AKTIP: variants seen among roughly 807,000 people sequenced by gnomAD.
AKTIP encodes AKT-interacting protein.
A neutral mutation model predicts 39.1 loss-of-function variants in AKTIP; 16 were observed. The ratio of observed to expected loss-of-function variants is 0.41; its 90% confidence interval spans 0.28 to 0.62. The LOEUF (loss-of-function observed/expected upper bound fraction) is 0.62. Ranked by LOEUF, AKTIP falls within the 20% of genes least tolerant of loss-of-function variation. AKTIP has a pLI of 0.32. For missense variants in AKTIP, 262 were observed against 356.6 expected, an observed-to-expected ratio of 0.73 and a Z score of 2.14; for synonymous variants, 93 against 124.3, an observed-to-expected ratio of 0.75 and a Z score of 1.67.
rs368767123 is a variant in AKTIP at position 53,498,940 on chromosome 16, A to G, written c.43-344T>C. 4.4e-3 allele frequency among the ~76,000 whole-genome samples: 678 copies of G among 152,368 alleles called. 6 individuals carry two copies. The highest frequency in any genetic ancestry group is 8.0e-3 in the Non-Finnish European group (544 of 68,034). On this transcript the variant is annotated intron_variant, in intron 2 of 9. Transcript: ENST00000394657. Reference sequence around the variant, plus strand: ...GGTTACTAAGCAATTAGACAACTGTACAAGGCTAGAAAAGTCCCCCAGCAC... The same window carrying G: ...GGTTACTAAGCAATTAGACAACTGTGCAAGGCTAGAAAAGTCCCCCAGCAC...
Position 53,492,078 on chromosome 16 carries a change from A to T in AKTIP, c.*334T>A, listed in dbSNP as rs1258232483. Reference sequence around the variant, plus strand: ...GAAACCACTGATTTATAAACTATTAAGTAGTGCTGAATTCTGTCTGCTCTA... The same window carrying T: ...GAAACCACTGATTTATAAACTATTATGTAGTGCTGAATTCTGTCTGCTCTA... On this transcript the variant is annotated 3_prime_UTR_variant, in exon 10 of 10. Coordinates refer to ENST00000394657, the MANE Select transcript of AKTIP (RefSeq NM_022476.4). The T allele has an allele frequency of 4.5e-6, 1 of 223,850 alleles. No homozygotes were observed. The highest frequency in any genetic ancestry group is 2.3e-5 in the African/African-American group (1 of 43,584). The allele number at this position is 223,850 out of a possible 1,614,324, so 13.9% of individuals were successfully genotyped here. A position where few individuals can be genotyped will look rare whatever the true frequency, so the allele number is the denominator to read the frequency against.
In AKTIP at chr16:53,498,466, G is replaced by A; in HGVS notation, c.173C>T (p.Pro58Leu). The A allele has an allele frequency of 6.2e-7, 1 of 1,613,942 alleles. No homozygotes were observed. The highest frequency in any genetic ancestry group is 1.1e-5 in the South Asian group (1 of 91,076). Residue 58 changes from proline (P) to leucine (L), a missense_variant, in exon 3 of 10, where the codon CCA (proline) becomes CTA (leucine). By Grantham distance (98) the Pro-to-Leu change is moderately conservative. Around this residue, in one of 4 missense-constraint regions of AKTIP, gnomAD observed 88 missense variants for 132.1 expected, o/e 0.67. Transcript: ENST00000394657. ...CGTGCCATTTGTTGACTGTGCTGCT[G>A]GGGCAGGAGATGTAGGCTTAGTTAT... ...LPITKPTSPA[P>L]AAQSTNGTHA...
At chr16:53,500,381 CTT>C (rs377620568) in intron 1 of AKTIP, 52 bp from the exon 2 acceptor site, 6,298 of 929,540 alleles carry the variant, frequency 6.8e-3, no homozygotes, top group South Asian at 8.2e-3. Flanking sequence ...ACCATTAAGA[CTT>C]TTTTTTTTTT....
chr16:53,503,975 C>T (rs866200078), upstream of AKTIP, among the ~76,000 whole-genome samples: 1,919 of 144,846 alleles, frequency 0.013, 54 homozygotes, highest in African/African-American at 0.045. Flanking sequence ...GGGCCGGGGG[C>T]TGGGGGGAGG....
intron 1 of AKTIP, chr16:53,501,177 A>G (rs1481845580): frequency 6.6e-6 from 1 of 152,236 alleles, no homozygotes; most frequent in Non-Finnish European, 1.5e-5. Context: ...GCACAGCACA[A>G]GTATGTCACT....
intron 1 of AKTIP, chr16:53,502,871 G>A (rs1962258294): frequency 6.6e-6 from 1 of 152,066 alleles, no homozygotes; most frequent in Non-Finnish European, 1.5e-5. Flanking sequence ...GGGCCGGGGC[G>A]AGCCAGCTGG....
At chr16:53,499,541 G>A (rs907307335) in intron 2 of AKTIP, among the ~76,000 whole-genome samples, 6 of 150,398 alleles carry the variant, frequency 4.0e-5, no homozygotes, top group African/African-American at 1.5e-4. Flanking sequence ...CTGCAAGCAA[G>A]CTTTGCCTCC....
rs937332125 is a variant in AKTIP at position 53,491,688 on chromosome 16, C to T, written c.*724G>A. ...ATATTGAGAAAAGGGTAGTTTCCTG[C>T]ATAAATGGCAAAGAACAATCATTTA... On this transcript the variant is annotated 3_prime_UTR_variant, in exon 10 of 10. Coordinates refer to ENST00000394657, the MANE Select transcript of AKTIP (RefSeq NM_022476.4). 1 of 152,596 alleles carries T rather than the reference C, an allele frequency of 6.6e-6. No individual in the cohort carries two copies. Among genetic ancestry groups the T allele is most frequent in the African/African-American group, 2.4e-5 (1 of 41,438 alleles). 9.5% of individuals were successfully genotyped at this position (152,596 alleles called of 1,614,324 possible).
chr16:53,498,298 T>A (rs1598157355), intron 3 of AKTIP, 93 bp downstream of exon 3: 1 of 1,300,086 alleles, frequency 7.7e-7, no homozygotes, highest in East Asian at 2.3e-5. Flanking sequence ...TGAGATTAAA[T>A]GTCTGCCCTT....
chr16:53,498,410 A>G lies in AKTIP; in HGVS notation c.229T>C (p.Tyr77His). 6.2e-7 allele frequency: 1 copy of G among 1,613,980 alleles called. No homozygotes were observed. The highest frequency in any genetic ancestry group is 8.5e-7 in the Non-Finnish European group (1 of 1,179,832). The change falls in exon 3 of 10, where the codon TAC (tyrosine) becomes CAC (histidine). Residue 77 changes from tyrosine (Y) to histidine (H), a missense_variant. Physicochemically the swap from Tyr to His is moderately conservative, Grantham distance 83 (BLOSUM62 2). Coordinates refer to ENST00000394657, the MANE Select transcript of AKTIP (RefSeq NM_022476.4). ...ACTTACAATTCTGCAAGAAGAGAGTATTCCAGGTAGAAGGGTCCATAGGAC... is the reference window on the plus strand; with the variant it reads ...ACTTACAATTCTGCAAGAAGAGAGTGTTCCAGGTAGAAGGGTCCATAGGAC... Reference protein sequence around the residue: ...HASYGPFYLEYSLLAEFTLVV... With the variant: ...HASYGPFYLEHSLLAEFTLVV...
At chr16:53,496,999 A>G (rs965702644) in intron 3 of AKTIP, among the ~76,000 whole-genome samples, 2 of 151,746 alleles carry the variant, frequency 1.3e-5, no homozygotes, top group East Asian at 3.9e-4. Flanking sequence ...GGGTCACTCT[A>G]TTGCCCAGGC....
In AKTIP at chr16:53,491,725, T is replaced by A. The variant is rs1961478310; in HGVS notation, c.*687A>T. 1 of 152,682 alleles carries A rather than the reference T, an allele frequency of 6.5e-6. No individual in the cohort carries two copies. Among genetic ancestry groups the A allele is most frequent in the South Asian group, 2.1e-4 (1 of 4,838 alleles). 9.5% of individuals were successfully genotyped at this position (152,682 alleles called of 1,614,324 possible). ...AGAACAATCATTTATTGGTTTATTTTGTCTCTACTAAACACATTAGTCATT... is the reference window on the plus strand; with the variant it reads ...AGAACAATCATTTATTGGTTTATTTAGTCTCTACTAAACACATTAGTCATT... On this transcript the variant is annotated 3_prime_UTR_variant, in exon 10 of 10. Coordinates refer to ENST00000394657, the MANE Select transcript of AKTIP (RefSeq NM_022476.4).
chr16:53,503,660 A>G (rs567670634), upstream of AKTIP, among the ~76,000 whole-genome samples: 33 of 152,226 alleles, frequency 2.2e-4, no homozygotes, highest in African/African-American at 7.7e-4. Flanking sequence ...GGCATACGCT[A>G]ACGTCTGCAA....
Position 53,494,455 on chromosome 16 carries a change from G to A in AKTIP, c.504-18C>T, listed in dbSNP as rs778393284. The A allele has an allele frequency of 2.5e-5, 41 of 1,613,528 alleles. No individual in the cohort carries two copies. The highest frequency in any genetic ancestry group is 1.5e-4 in the South Asian group (14 of 91,076). The stretch of plus-strand genomic sequence containing the variant: ...GGTTCCGCCTAAAGGGAAACATGGC[G>A]TGATTACCGAGGCGTCCTCTTGCTG... On this transcript the variant is annotated intron_variant, in intron 6 of 9. Coordinates refer to ENST00000394657, the MANE Select transcript of AKTIP (RefSeq NM_022476.4).
At chr16:53,499,604 C>T (rs1028281234) in intron 2 of AKTIP, among the ~76,000 whole-genome samples, 6 of 151,810 alleles carry the variant, frequency 4.0e-5, no homozygotes, top group East Asian at 3.9e-4. Flanking sequence ...GGACAACAGG[C>T]GCCCGCCACC....
chr16:53,494,658 G>C (rs1961716420), intron 5 of AKTIP, 53 bp from the exon 6 acceptor site: 2 of 1,527,994 alleles, frequency 1.3e-6, no homozygotes, highest in African/African-American at 2.8e-5. Context: ...TGGCGCTTAT[G>C]AGACCCATAG....
chr16:53,497,468 A>C (rs981504176), intron 3 of AKTIP, among the ~76,000 whole-genome samples: 2 of 152,206 alleles, frequency 1.3e-5, no homozygotes, highest in African/African-American at 4.8e-5. Context: ...AGACAACTTT[A>C]ATACGTGCTT....
At chr16:53,493,861 C>T (rs1961657292) in intron 8 of AKTIP, 2 of 410,182 alleles carry the variant, frequency 4.9e-6, no homozygotes, top group African/African-American at 4.0e-5. Context: ...AAGAAGAGTC[C>T]TGACATGGGA....
chr16:53,503,378 A>G (rs1042792339), upstream of AKTIP: 1 of 152,376 alleles, frequency 6.6e-6, no homozygotes, highest in African/African-American at 2.4e-5. Flanking sequence ...TGCCCGTCAA[A>G]GACGTTCTTC....
Sources: allele counts gnomAD v4.1 joint callset (sites outside exome capture counted in the v4.1 genomes callset), GRCh38; gene constraint gnomAD v4.1.1; regional missense constraint gnomAD v4.1.1; transcripts MANE v1.5; gene names NCBI Gene and HGNC (gene_info 2026-07-23, HGNC 2026-07-21).